Variants in MBTPS1 observed in about 807,000 individuals in gnomAD.
MBTPS1 encodes the protein membrane bound transcription factor peptidase, site 1.
Under a neutral mutation model 127.8 loss-of-function variants are expected in MBTPS1, and 94 were observed. That is an observed-to-expected ratio of 0.74 (90% CI 0.62 to 0.87). MBTPS1 has a LOEUF of 0.87. Among genes scored for constraint, MBTPS1 ranks in the 40% least tolerant of loss-of-function variants. The probability of loss-of-function intolerance (pLI) is 0.00; values close to 1 mark genes in which losing one functional copy is unlikely to be tolerated. For synonymous variants in MBTPS1, 632 were observed against 509.4 expected (o/e 1.24, Z -3.24); for missense variants, 1,636 against 1,353.2 (o/e 1.21, Z -3.28).
chr16:84,106,512 C>T (rs1403797013), intron 1 of MBTPS1, among the ~76,000 whole-genome samples: 1 of 151,998 alleles, frequency 6.6e-6, no homozygotes, highest in Non-Finnish European at 1.5e-5. Context: ...GGGCAAGGAC[C>T]ATTCCTGGTG....
At chr16:84,067,542 C>T (rs1327796458) in intron 16 of MBTPS1, 125 bp downstream of exon 16, 1 of 750,666 alleles carries the variant, frequency 1.3e-6, no homozygotes, top group Non-Finnish European at 2.2e-6. Flanking sequence ...TCTAATCAAG[C>T]TCTCTGAATG....
intron 20 of MBTPS1, chr16:84,060,460 A>C (rs1317578784): frequency 6.0e-6 from 3 of 503,074 alleles, no homozygotes; most frequent in Non-Finnish European, 1.1e-5. Flanking sequence ...GTGGGAAAGC[A>C]GCTGCACACT....
chr16:84,076,465 A>C (rs949231933), intron 11 of MBTPS1, among the ~76,000 whole-genome samples: 1 of 152,218 alleles, frequency 6.6e-6, no homozygotes, highest in Non-Finnish European at 1.5e-5. Flanking sequence ...GAAAATAATC[A>C]ATGAAGCCTT....
chr16:84,067,313 C>G (rs1482997419), intron 16 of MBTPS1, among the ~76,000 whole-genome samples: 1 of 152,150 alleles, frequency 6.6e-6, no homozygotes, highest in African/African-American at 2.4e-5. Flanking sequence ...GAGCAACTTT[C>G]AAGAACCTCT....
intron 14 of MBTPS1, among the ~76,000 whole-genome samples, chr16:84,068,882 T>C (rs1031406783): frequency 1.3e-5 from 2 of 152,182 alleles, no homozygotes; most frequent in African/African-American, 2.4e-5. Context: ...CTAACTGATA[T>C]CACTGCCACT....
At chr16:84,068,682 G>C (rs994646004) in intron 14 of MBTPS1, among the ~76,000 whole-genome samples, 3 of 152,348 alleles carry the variant, frequency 2.0e-5, no homozygotes, top group African/African-American at 7.2e-5. Context: ...GTGCATGAAA[G>C]AGACAAAATG....
chr16:84,094,505 T>C (rs1274900836), intron 4 of MBTPS1, among the ~76,000 whole-genome samples: 1 of 152,158 alleles, frequency 6.6e-6, no homozygotes. Context: ...CCAAAAATTC[T>C]AGAAAGCATC....
chr16:84,074,424 A>G (rs923484165), intron 12 of MBTPS1, among the ~76,000 whole-genome samples, 173 bp downstream of exon 12: 1 of 152,188 alleles, frequency 6.6e-6, no homozygotes, highest in Non-Finnish European at 1.5e-5. Context: ...TTGTAGAGAC[A>G]GGTCTCACTT....
chr16:84,115,282 G>A (rs1227218391), intron 1 of MBTPS1, among the ~76,000 whole-genome samples: 2 of 152,102 alleles, frequency 1.3e-5, no homozygotes, highest in Non-Finnish European at 2.9e-5. Flanking sequence ...TTCTTCCCTA[G>A]GTGCTTCAAA....
At chr16:84,068,070 G>C (rs1333022055) in intron 15 of MBTPS1, among the ~76,000 whole-genome samples, 2 of 152,220 alleles carry the variant, frequency 1.3e-5, no homozygotes, top group Admixed American at 1.3e-4. Flanking sequence ...ACTTGAGAAG[G>C]AGCAAAATAT....
intron 21 of MBTPS1, chr16:84,057,398 G>A (rs2085538282): frequency 6.6e-6 from 1 of 152,212 alleles, no homozygotes; most frequent in Non-Finnish European, 1.5e-5. Context: ...CTTTGGTGAT[G>A]GCACTTTCTA....
At chr16:84,059,190 G>T (rs1447301912) in intron 21 of MBTPS1, 112 bp downstream of exon 21, 1 of 1,374,934 alleles carries the variant, frequency 7.3e-7, no homozygotes, top group Non-Finnish European at 9.9e-7. Flanking sequence ...TGACAAGCTT[G>T]AAGATCTGAC....
chr16:84,055,433 G>T (rs1350760161), intron 22 of MBTPS1, among the ~76,000 whole-genome samples: 1 of 152,242 alleles, frequency 6.6e-6, no homozygotes, highest in African/African-American at 2.4e-5. Context: ...GGCTGGAAAG[G>T]CCTGGTACCA....
intron 1 of MBTPS1, among the ~76,000 whole-genome samples, chr16:84,108,847 C>T (rs1018709961): frequency 6.6e-6 from 1 of 152,042 alleles, no homozygotes; most frequent in Admixed American, 6.5e-5. Flanking sequence ...TAATGGGATG[C>T]GGCTTTCTTA....
intron 1 of MBTPS1, among the ~76,000 whole-genome samples, chr16:84,113,859 C>A (rs1183191601): frequency 2.0e-5 from 3 of 151,930 alleles, no homozygotes; most frequent in Non-Finnish European, 4.4e-5. Context: ...CTACCACCTT[C>A]AGAACTAATT....
At chr16:84,075,148 G>A (rs2085834656) in intron 11 of MBTPS1, 1 of 153,774 alleles carries the variant, frequency 6.5e-6, no homozygotes, top group Admixed American at 6.5e-5. Context: ...TGCCTGGCAG[G>A]AGAGAGGGGA....
intron 12 of MBTPS1, among the ~76,000 whole-genome samples, chr16:84,072,662 C>T (rs923902631): frequency 6.6e-6 from 1 of 152,030 alleles, no homozygotes; most frequent in Admixed American, 6.5e-5. Flanking sequence ...TGGTGGTGGG[C>T]GCCTGTAGTC....
intron 7 of MBTPS1, among the ~76,000 whole-genome samples, chr16:84,091,175 C>A (rs111253672): frequency 1.3e-5 from 2 of 152,142 alleles, no homozygotes; most frequent in African/African-American, 2.4e-5. Context: ...GAGGAAAACA[C>A]GAATTGCATG....
At chr16:84,072,556 G>C (rs2085785893) in intron 12 of MBTPS1, among the ~76,000 whole-genome samples, 1 of 152,128 alleles carries the variant, frequency 6.6e-6, no homozygotes, top group Non-Finnish European at 1.5e-5. Flanking sequence ...CTTTGGGAGG[G>C]CAAGGCGGGA....
Sources: gnomAD v4.1 joint callset for allele counts (sites outside exome capture counted in the v4.1 genomes callset) on GRCh38, gnomAD v4.1.1 for gene constraint, MANE v1.5 for transcripts, NCBI Gene and HGNC (gene_info 2026-07-23, HGNC 2026-07-21) for gene names.